Variants in NFU1 observed in about 807,000 individuals in gnomAD.
NFU1 encodes the protein NFU1 iron-sulfur cluster scaffold homolog, mitochondrial.
NFU1 carries 30 observed loss-of-function variants against 32.2 expected under a neutral mutation model. The ratio of observed to expected loss-of-function variants is 0.93; its 90% confidence interval spans 0.70 to 1.26. NFU1 has a LOEUF of 1.26. Among genes scored for constraint, NFU1 ranks in the 50% most tolerant of loss-of-function variants. The pLI is 0.00. For synonymous variants in NFU1, 112 were observed against 104.6 expected, an observed-to-expected ratio of 1.07 and a Z score of -0.43; for missense variants, 306 against 306.6, an observed-to-expected ratio of 1.00 and a Z score of 0.02.
chr2:69,432,117 A>C (rs1673659272), intron 1 of NFU1, 112 bp from the exon 2 acceptor site: 1 of 702,162 alleles, frequency 1.4e-6, no homozygotes, highest in South Asian at 1.6e-5. Context: ...CATAACCCGC[A>C]ATAGAAATAA....
chr2:69,418,696 C>T (rs75137187), intron 4 of NFU1, among the ~76,000 whole-genome samples: 32,177 of 151,628 alleles, frequency 0.21, 4,010 homozygotes, highest in African/African-American at 0.34. Flanking sequence ...GTTTTGATCT[C>T]CTGACCTCAT....
chr2:69,429,092 G>A (rs1673555339), intron 2 of NFU1, among the ~76,000 whole-genome samples: 1 of 152,254 alleles, frequency 6.6e-6, no homozygotes, highest in Non-Finnish European at 1.5e-5. Context: ...ACATTCTTCT[G>A]AAAATCTGTG....
rs1293072782 is a variant in NFU1 at position 69,423,195 on chromosome 2, CTG to C, written c.302+385_302+386del. On this transcript the variant is annotated intron_variant, in intron 3 of 7. Coordinates refer to ENST00000410022, the MANE Select transcript of NFU1 (RefSeq NM_001002755.4). ...GTGTGTGTGTGTGTGGTGAGATGGG[CTG>C]TGTGTGTGTGTGGGGGGGGGCGGGT... 8.5e-4 allele frequency among the ~76,000 whole-genome samples: 43 copies of C among 50,426 alleles called. 6 individuals are homozygous for C. The highest frequency in any genetic ancestry group is 0.015 in the Middle Eastern group (1 of 68). The allele number at this position is 50,426 out of a possible 152,430, so 33.1% of individuals were successfully genotyped here.
In NFU1 at chr2:69,414,101, A is replaced by G. The variant is rs540914541; in HGVS notation, c.484+1084T>C. Among the ~76,000 whole-genome samples, 4 of 152,288 alleles carry G rather than the reference A, an allele frequency of 2.6e-5. No individual in the cohort carries two copies. The East Asian group carries it at 7.7e-4, about 29-fold the overall frequency. On this transcript the variant is annotated intron_variant, in intron 5 of 7. Coordinates refer to ENST00000410022, the MANE Select transcript of NFU1 (RefSeq NM_001002755.4). ...AAATAAATAAAGAAGCTCTCCACAT[A>G]TTCATAAACAGACTTGTATAAGGAT...
intron 5 of NFU1, among the ~76,000 whole-genome samples, chr2:69,410,002 T>C (rs1036660755): frequency 2.0e-5 from 3 of 152,182 alleles, no homozygotes; most frequent in African/African-American, 7.2e-5. Context: ...CTACTAGAAC[T>C]AATGAGTGCT....
intron 6 of NFU1, among the ~76,000 whole-genome samples, chr2:69,405,690 C>A (rs192136545): frequency 6.6e-6 from 1 of 152,188 alleles, no homozygotes; most frequent in African/African-American, 2.4e-5. Context: ...AATAGGTACT[C>A]ATTCTCTCTT....
At chr2:69,398,550 C>T (rs1195524983) in intron 7 of NFU1, among the ~76,000 whole-genome samples, 1 of 152,170 alleles carries the variant, frequency 6.6e-6, no homozygotes. Context: ...ATAAATCTTG[C>T]CCTTAAGCAA....
chr2:69,400,054 T>C lies in NFU1; in HGVS notation c.720+310A>G, dbSNP rs541781937. 3.7e-3 allele frequency among the ~76,000 whole-genome samples: 569 copies of C among 152,256 alleles called. 4 individuals carry two copies. Among genetic ancestry groups the C allele is most frequent in the Non-Finnish European group, 4.5e-3 (308 of 68,016 alleles). On this transcript the variant is annotated intron_variant, in intron 7 of 7. Transcript: ENST00000410022. ...TGCCCAGCTAATTTTGTATTTTTAG[T>C]AGAGACGGGGTTTTCTCCATGTTGG...
At chr2:69,411,642 G>A (rs1410531711) in intron 5 of NFU1, among the ~76,000 whole-genome samples, 1 of 152,018 alleles carries the variant, frequency 6.6e-6, no homozygotes, top group Non-Finnish European at 1.5e-5. Context: ...ACCCAAGATG[G>A]AGTGTGGTGG....
At chr2:69,421,183 A>G (rs1232752744) in intron 3 of NFU1, among the ~76,000 whole-genome samples, 1 of 152,154 alleles carries the variant, frequency 6.6e-6, no homozygotes, top group Non-Finnish European at 1.5e-5. Flanking sequence ...CAGACACTCC[A>G]GCCTGGGCAA....
At chr2:69,407,674 CAAAAA>C (rs200321994) in intron 5 of NFU1, among the ~76,000 whole-genome samples, 2 of 103,116 alleles carry the variant, frequency 1.9e-5, no homozygotes, top group Non-Finnish European at 3.9e-5. Context: ...GACTCTATCT[CAAAAA>C]AAAAAAAAAA....
At chr2:69,417,667 T>C (rs867682406) in intron 4 of NFU1, among the ~76,000 whole-genome samples, 6 of 151,894 alleles carry the variant, frequency 4.0e-5, no homozygotes, top group Non-Finnish European at 8.8e-5. Context: ...TATGTGTAGA[T>C]AGATAGATAT....
At chr2:69,414,038 C>T (rs1672975118) in intron 5 of NFU1, among the ~76,000 whole-genome samples, 1 of 152,064 alleles carries the variant, frequency 6.6e-6, no homozygotes, top group South Asian at 2.1e-4. Flanking sequence ...CAGAGCAAGA[C>T]TCTGTCTCCA....
chr2:69,421,603 T>C (rs538444948), intron 3 of NFU1, among the ~76,000 whole-genome samples: 326 of 137,428 alleles, frequency 2.4e-3, no homozygotes, highest in African/African-American at 8.9e-3. Flanking sequence ...AGTCTCGCTC[T>C]GTCGCCCAGG....
chr2:69,419,336 G>T (rs1046852553), intron 4 of NFU1, among the ~76,000 whole-genome samples: 1 of 151,744 alleles, frequency 6.6e-6, no homozygotes, highest in Non-Finnish European at 1.5e-5. Context: ...TCAAAAAAAA[G>T]AAAAAGAAAA....
At chr2:69,402,849 C>A (rs1672567397) in intron 6 of NFU1, among the ~76,000 whole-genome samples, 1 of 151,940 alleles carries the variant, frequency 6.6e-6, no homozygotes, top group Non-Finnish European at 1.5e-5. Context: ...TCTCAAAGTG[C>A]TGGGATTACA....
rs573588519 is a variant in NFU1, at chr2:69,431,636, T to A, written c.166+266A>T. Among the ~76,000 whole-genome samples, 12 of 152,344 alleles carry A rather than the reference T, an allele frequency of 7.9e-5. No individual in the cohort carries two copies. In the South Asian group the frequency reaches 2.5e-3, roughly 32 times the overall value. ...TTTAACTTCTACAGTATTTTCATTT[T>A]GGAAATCATTTATTGAGCAACTCTT... On this transcript the variant is annotated intron_variant, in intron 2 of 7. Coordinates refer to ENST00000410022, the MANE Select transcript of NFU1 (RefSeq NM_001002755.4).
chr2:69,418,895 T>C (rs1354621186), intron 4 of NFU1, among the ~76,000 whole-genome samples: 1 of 152,226 alleles, frequency 6.6e-6, no homozygotes, highest in African/African-American at 2.4e-5. Context: ...TCCGTGGATA[T>C]ATGTCAATTA....
chr2:69,401,690 TC>T (rs1030171601), intron 6 of NFU1, among the ~76,000 whole-genome samples: 2 of 152,228 alleles, frequency 1.3e-5, no homozygotes, highest in African/African-American at 4.8e-5. Flanking sequence ...CATATAGTTT[TC>T]CAGTTATATA....
Sources: gnomAD v4.1 joint callset for allele counts (sites outside exome capture counted in the v4.1 genomes callset) on GRCh38, gnomAD v4.1.1 for gene constraint, MANE v1.5 for transcripts, NCBI Gene and HGNC (gene_info 2026-07-23, HGNC 2026-07-21) for gene names.